The following TRERF1 variants were observed in gnomAD, a reference collection of about 807,000 sequenced individuals.
TRERF1 encodes transcriptional-regulating factor 1.
In TRERF1, 27 loss-of-function variants were observed where a neutral mutation model predicts 122.9. The observed-to-expected ratio is 0.22, with a 90% CI of 0.16 to 0.30. The LOEUF (loss-of-function observed/expected upper bound fraction) is 0.30. TRERF1 is among the 10% of genes least tolerant of loss of function. TRERF1 has a pLI of 1.00. For missense variants in TRERF1, 1,248 were observed against 1,560.3 expected, an observed-to-expected ratio of 0.80 and a Z score of 3.37; for synonymous variants, 636 against 641.7, an observed-to-expected ratio of 0.99 and a Z score of 0.13.
intron 2 of TRERF1, among the ~76,000 whole-genome samples, chr6:42,380,698 G>A (rs1335471435): frequency 2.0e-5 from 3 of 152,168 alleles, no homozygotes; most frequent in African/African-American, 7.2e-5. Context: ...TCCCCAAAGG[G>A]CATGGCTCTC....
chr6:42,261,910 G>A (rs1777944594), intron 8 of TRERF1, among the ~76,000 whole-genome samples: 1 of 152,034 alleles, frequency 6.6e-6, no homozygotes, highest in South Asian at 2.1e-4. Flanking sequence ...CTACCCAGGT[G>A]TATTCTCATC....
intron 3 of TRERF1, among the ~76,000 whole-genome samples, chr6:42,336,954 T>A (rs796604012): frequency 2.6e-5 from 4 of 152,286 alleles, no homozygotes; most frequent in African/African-American, 9.6e-5. Context: ...GAGCCTTGGC[T>A]CTAGCAAGCG....
At chr6:42,344,469 G>A (rs185216498) in intron 3 of TRERF1, among the ~76,000 whole-genome samples, 217 of 152,272 alleles carry the variant, frequency 1.4e-3, no homozygotes, top group African/African-American at 4.6e-3. Context: ...AGTAAGCAAC[G>A]AGGTCAGGAG....
In TRERF1 at chr6:42,451,157, T is replaced by G. The variant is rs1035541897; in HGVS notation, c.-454+20A>C. On this transcript the variant is annotated intron_variant, in intron 2 of 17. Coordinates refer to ENST00000372922, the Ensembl canonical transcript of TRERF1. ...CAAACTAATTTTTTAAAAATGAAAC[T>G]TAATAAGCTTCTTGCCTACCTTGGC... The G allele has an allele frequency of 1.3e-5, 2 of 150,676 alleles. No individual in the cohort carries two copies. Among genetic ancestry groups the G allele is most frequent in the Admixed American group, 6.6e-5 (1 of 15,156 alleles). 9.3% of individuals were successfully genotyped at this position (150,676 alleles called of 1,614,324 possible).
intron 2 of TRERF1, among the ~76,000 whole-genome samples, chr6:42,406,427 A>ACAGGCAGAG (rs1780186570): frequency 2.0e-5 from 3 of 152,206 alleles, no homozygotes; most frequent in Admixed American, 6.5e-5. Context: ...AGGAAGGACC[A>ACAGGCAGAG]CAGGCAGAGC....
At chr6:42,328,412 G>A (rs59138329) in intron 3 of TRERF1, among the ~76,000 whole-genome samples, 7,557 of 152,170 alleles carry the variant, frequency 0.05, 437 homozygotes, top group East Asian at 0.21. Flanking sequence ...CTGGTGTCAC[G>A]GAGGTTTGTT....
At chr6:42,390,448 GA>G (rs111912712) in intron 2 of TRERF1, among the ~76,000 whole-genome samples, 1,729 of 151,042 alleles carry the variant, frequency 0.011, 24 homozygotes, top group African/African-American at 0.039. Flanking sequence ...ATTTTAAAAA[GA>G]AAAAAAAAGG....
At chr6:42,266,509 C>A (rs916322123) in intron 5 of TRERF1, among the ~76,000 whole-genome samples, 8 of 152,132 alleles carry the variant, frequency 5.3e-5, no homozygotes, top group African/African-American at 1.4e-4. Flanking sequence ...TCTTAAAAAG[C>A]CTTAGCCAAA....
chr6:42,237,383 G>C (rs1772497410), intron 15 of TRERF1, among the ~76,000 whole-genome samples: 1 of 152,202 alleles, frequency 6.6e-6, no homozygotes, highest in Non-Finnish European at 1.5e-5. Flanking sequence ...CCCAGGGTAG[G>C]GGTGAGGGCT....
At chr6:42,425,930 C>T (rs1162168318) in intron 2 of TRERF1, among the ~76,000 whole-genome samples, 2 of 152,040 alleles carry the variant, frequency 1.3e-5, no homozygotes, top group Non-Finnish European at 2.9e-5. Flanking sequence ...AGTTTTGCTC[C>T]ACATCCCACA....
At chr6:42,349,430 AG>A (rs1176368173) in intron 3 of TRERF1, among the ~76,000 whole-genome samples, 2 of 152,010 alleles carry the variant, frequency 1.3e-5, no homozygotes, top group African/African-American at 4.8e-5. Context: ...GTTGGTTTTC[AG>A]GTAATCAACT....
rs550177117 is a variant in TRERF1 at position 42,275,451 on chromosome 6, C to A, written c.-258-5603G>T. Among the ~76,000 whole-genome samples, 1 of 152,344 alleles carries A rather than the reference C, an allele frequency of 6.6e-6. No individual in the cohort carries two copies. The highest frequency in any genetic ancestry group is 2.1e-4 in the South Asian group (1 of 4,824). On this transcript the variant is annotated intron_variant, in intron 4 of 17. Transcript: ENST00000372922. The surrounding 1 kb of genome is among the most constrained non-coding windows in gnomAD (Gnocchi z 4.1). The stretch of plus-strand genomic sequence containing the variant: ...TCCACGCTCCCACAGAGCCTGTGAC[C>A]GCTTTTCCTCTGCACTGACCATGTC...
intron 3 of TRERF1, among the ~76,000 whole-genome samples, chr6:42,357,901 A>G (rs1022030145): frequency 6.6e-6 from 1 of 152,196 alleles, no homozygotes; most frequent in African/African-American, 2.4e-5. Flanking sequence ...ATGACTCCAA[A>G]AGGCGTCTTA....
chr6:42,320,506 ATTT>A (rs397977723), intron 3 of TRERF1, among the ~76,000 whole-genome samples: 2 of 136,730 alleles, frequency 1.5e-5, no homozygotes, highest in Admixed American at 7.3e-5. Context: ...AAGTGAAAGA[ATTT>A]TTTTTTTTTT....
intron 4 of TRERF1, among the ~76,000 whole-genome samples, chr6:42,293,673 G>A (rs1582866479): frequency 6.6e-6 from 1 of 151,702 alleles, no homozygotes; most frequent in Non-Finnish European, 1.5e-5. Flanking sequence ...CCTCTTCACG[G>A]GACAGTCACA....
At chr6:42,307,025 C>T (rs1787385543) in intron 3 of TRERF1, among the ~76,000 whole-genome samples, 1 of 152,158 alleles carries the variant, frequency 6.6e-6, no homozygotes, top group Admixed American at 6.5e-5. Flanking sequence ...GCGTGTAAAG[C>T]TCGCCAGGTG....
chr6:42,321,932 C>T (rs925003216), intron 3 of TRERF1, among the ~76,000 whole-genome samples: 4 of 152,174 alleles, frequency 2.6e-5, no homozygotes, highest in African/African-American at 4.8e-5. Flanking sequence ...GTTTTTCAGC[C>T]TTTAAGATCA....
In TRERF1 at chr6:42,393,707, A is replaced by G. The variant is rs1027360753; in HGVS notation, c.-453-30628T>C. 5.3e-5 allele frequency among the ~76,000 whole-genome samples: 8 copies of G among 152,226 alleles called. No individual in the cohort carries two copies. The highest frequency in any genetic ancestry group is 1.9e-4 in the African/African-American group (8 of 41,452). On this transcript the variant is annotated intron_variant, in intron 2 of 17. Coordinates refer to ENST00000372922, the Ensembl canonical transcript of TRERF1. The surrounding 1 kb of genome is among the most constrained non-coding windows in gnomAD (Gnocchi z 4.1). ...AAATGGAAGGCAATTTAGATGACTA[A>G]ATATAGGGGAGCTGGTTAAATAAGT... is the stretch of plus-strand genomic sequence containing the variant.
At chr6:42,291,990 A>T (rs1418711537) in intron 4 of TRERF1, among the ~76,000 whole-genome samples, 1 of 152,194 alleles carries the variant, frequency 6.6e-6, no homozygotes, top group East Asian at 1.9e-4. Context: ...TTCCACTGGC[A>T]TAGTGAGTCC....
Sources: gnomAD v4.1 joint callset for allele counts (sites outside exome capture counted in the v4.1 genomes callset) on GRCh38, gnomAD v4.1.1 for gene constraint, Gnocchi (gnomAD v3.1) non-coding constraint, MANE v1.5 for transcripts, NCBI Gene and HGNC (gene_info 2026-07-23, HGNC 2026-07-21) for gene names.